Variants in NEXMIF observed in about 807,000 individuals in gnomAD.
NEXMIF encodes neurite extension and migration factor.
In NEXMIF, 8 loss-of-function variants were observed where a neutral mutation model predicts 62.1. The ratio of observed to expected loss-of-function variants is 0.13; its 90% CI spans 0.08 to 0.23. NEXMIF has a LOEUF of 0.23. Among genes scored for constraint, NEXMIF ranks in the 10% least tolerant of loss-of-function variants. The pLI is 1.00. For missense variants in NEXMIF, 976 were observed against 1,113.3 expected, an observed-to-expected ratio of 0.88 and a Z score of 1.75; for synonymous variants, 404 against 416.6, an observed-to-expected ratio of 0.97 and a Z score of 0.37.
chrX:74,747,438 A>T (rs980095812), intron 1 of NEXMIF, among the ~76,000 whole-genome samples: 3 of 111,060 alleles, frequency 2.7e-5, no homozygotes, highest in Non-Finnish European at 3.8e-5. Context: ...TGCCATCTCC[A>T]TGATTCTTAC....
chrX:74,784,557 T>G (rs1404242688), intron 1 of NEXMIF, among the ~76,000 whole-genome samples: 1 of 110,919 alleles, frequency 9.0e-6, no homozygotes, highest in Non-Finnish European at 1.9e-5. Context: ...ATATGTATAA[T>G]AATCCCTCAC....
chrX:74,876,584 A>C (rs1381084056), intron 1 of NEXMIF, among the ~76,000 whole-genome samples: 1 of 103,239 alleles, frequency 9.7e-6, no homozygotes, highest in African/African-American at 3.6e-5. Flanking sequence ...TAATGTTGAC[A>C]GTGGGGTGTT....
chrX:74,909,755 C>A (rs1196283836), intron 1 of NEXMIF, among the ~76,000 whole-genome samples: 3 of 111,579 alleles, frequency 2.7e-5, no homozygotes, highest in Non-Finnish European at 5.7e-5. Flanking sequence ...GTGGGATAGG[C>A]CCAAGGTCTC....
chrX:74,820,077 T>C (rs1451589745), intron 1 of NEXMIF, among the ~76,000 whole-genome samples: 1 of 110,717 alleles, frequency 9.0e-6, no homozygotes, highest in Non-Finnish European at 1.9e-5. Context: ...CTCAGCAAAC[T>C]ATCACAAGGA....
chrX:74,901,750 T>C (rs770458606), intron 1 of NEXMIF, among the ~76,000 whole-genome samples: 1 of 111,354 alleles, frequency 9.0e-6, no homozygotes, highest in Non-Finnish European at 1.9e-5. Flanking sequence ...ATCTCACACT[T>C]AGTAGGCACT....
chrX:74,892,160 G>A (rs1177436061), intron 1 of NEXMIF, among the ~76,000 whole-genome samples: 1 of 112,200 alleles, frequency 8.9e-6, no homozygotes, highest in Non-Finnish European at 1.9e-5. Context: ...ACTATCATTG[G>A]ACAGCCCTAC....
Position 74,925,418 on chromosome X carries a change from C to T in NEXMIF, c.-583G>A. On this transcript the variant is annotated 5_prime_UTR_variant, in exon 1 of 4. Coordinates refer to ENST00000055682, the MANE Select transcript of NEXMIF (RefSeq NM_001008537.3). ...GCTGTGGCGGCGGTGGTGGCGGCGG[C>T]GGCTGCTGCTGCTGCTGCTGATGCT... is the stretch of plus-strand genomic sequence containing the variant. The T allele has an allele frequency of 5.1e-6, 1 of 195,576 alleles. No homozygotes were observed. The highest frequency in any genetic ancestry group is 1.0e-5 in the Non-Finnish European group (1 of 100,235). 16.1% of individuals were successfully genotyped at this position (195,576 alleles called of 1,213,427 possible).
At chrX:74,805,558 A>G (rs1404503989) in intron 1 of NEXMIF, among the ~76,000 whole-genome samples, 8 of 111,567 alleles carry the variant, frequency 7.2e-5, no homozygotes, top group African/African-American at 2.6e-4. Flanking sequence ...ATTGCTTTTG[A>G]GGTCTTAGCC....
At chrX:74,885,103 A>T (rs1221986170) in intron 1 of NEXMIF, among the ~76,000 whole-genome samples, 2 of 110,783 alleles carry the variant, frequency 1.8e-5, no homozygotes, top group African/African-American at 6.6e-5. Flanking sequence ...ACCAACGAGA[A>T]CAAAGACACA....
intron 1 of NEXMIF, among the ~76,000 whole-genome samples, chrX:74,874,257 C>T (rs2080618147): frequency 9.2e-6 from 1 of 108,339 alleles, no homozygotes; most frequent in African/African-American, 3.4e-5. Flanking sequence ...GGAATCCTTT[C>T]CCCATTTCTT....
Position 74,733,711 on chromosome X carries a change from G to T in NEXMIF, c.*5694C>A, listed in dbSNP as rs2080078463. 8.9e-6 allele frequency: 1 copy of T among 112,387 alleles called. No homozygotes were observed. The highest frequency in any genetic ancestry group is 1.9e-5 in the Non-Finnish European group (1 of 53,181). 9.3% of individuals were successfully genotyped at this position (112,387 alleles called of 1,213,427 possible). A position where few individuals can be genotyped will look rare whatever the true frequency, so the allele number is the denominator to read the frequency against. On this transcript the variant is annotated 3_prime_UTR_variant, in exon 4 of 4. Coordinates refer to ENST00000055682, the MANE Select transcript of NEXMIF (RefSeq NM_001008537.3). Reference sequence around the variant, plus strand: ...AACAACAAAACCAGAAGTGTTACAAGAATAATTTACAAGAAAATCTATAAA... The same window carrying T: ...AACAACAAAACCAGAAGTGTTACAATAATAATTTACAAGAAAATCTATAAA...
At chrX:74,916,152 T>C (rs908736800) in intron 1 of NEXMIF, among the ~76,000 whole-genome samples, 5 of 112,074 alleles carry the variant, frequency 4.5e-5, no homozygotes, top group African/African-American at 1.6e-4. Context: ...TCACGGCTAA[T>C]GATATTTGCA....
intron 1 of NEXMIF, among the ~76,000 whole-genome samples, chrX:74,865,539 A>G (rs1164456942): frequency 1.7e-4 from 19 of 112,470 alleles, no homozygotes; most frequent in Non-Finnish European, 3.2e-4. Context: ...AAATTTGCAT[A>G]AATAACAAGG....
chrX:74,751,039 G>A (rs1602215531), intron 1 of NEXMIF, among the ~76,000 whole-genome samples: 1 of 111,007 alleles, frequency 9.0e-6, no homozygotes, highest in Admixed American at 9.6e-5. Context: ...ACCAGCCTGG[G>A]CAACATGGGG....
chrX:74,816,385 G>T (rs762896921), intron 1 of NEXMIF, among the ~76,000 whole-genome samples: 12 of 111,518 alleles, frequency 1.1e-4, no homozygotes, highest in African/African-American at 3.6e-4. Context: ...TGAATATTAA[G>T]AATCTAAGGT....
At chrX:74,755,877 A>C (rs1227185475) in intron 1 of NEXMIF, among the ~76,000 whole-genome samples, 1 of 111,658 alleles carries the variant, frequency 9.0e-6, no homozygotes, top group South Asian at 3.7e-4. Flanking sequence ...CACTGGGGTA[A>C]ATTTTAAATT....
intron 1 of NEXMIF, among the ~76,000 whole-genome samples, chrX:74,915,381 T>G (rs1284895479): frequency 8.9e-6 from 1 of 112,437 alleles, no homozygotes; most frequent in Non-Finnish European, 1.9e-5. Context: ...GGGAGAAGGA[T>G]ACACAGGGCC....
chrX:74,904,748 G>A (rs776437539), intron 1 of NEXMIF, among the ~76,000 whole-genome samples: 4 of 110,393 alleles, frequency 3.6e-5, no homozygotes, highest in African/African-American at 9.9e-5. Flanking sequence ...CCTTGGAAAC[G>A]TTTCAAGTAC....
At chrX:74,876,821 T>C (rs1252940814) in intron 1 of NEXMIF, among the ~76,000 whole-genome samples, 1 of 105,899 alleles carries the variant, frequency 9.4e-6, no homozygotes, top group Non-Finnish European at 1.9e-5. Flanking sequence ...AACCCCTGCC[T>C]TTTTTTGTTT....
Sources: allele counts gnomAD v4.1 joint callset (sites outside exome capture counted in the v4.1 genomes callset), GRCh38; gene constraint gnomAD v4.1.1; transcripts MANE v1.5; gene names NCBI Gene and HGNC (gene_info 2026-07-23, HGNC 2026-07-21).